The following KIF26B variants were observed in gnomAD, a reference collection of about 807,000 sequenced individuals.
KIF26B encodes kinesin-like protein KIF26B.
Under a neutral mutation model 151.2 loss-of-function variants are expected in KIF26B, and 63 were observed. That is an observed-to-expected ratio of 0.42 (90% CI 0.34 to 0.51). The LOEUF is 0.51. KIF26B is among the 20% of genes least tolerant of loss of function. The probability of loss-of-function intolerance (pLI) is 0.07; values close to 1 mark genes in which losing one functional copy is unlikely to be tolerated. For synonymous variants in KIF26B, 1,357 were observed against 1,262.1 expected (o/e 1.08, Z -1.59); for missense variants, 2,813 against 2,913.6 (o/e 0.97, Z 0.79).
At position 245,385,742 on chromosome 1, in the gene KIF26B, G is replaced by A. The variant is rs376383859; in HGVS notation, c.999+18375G>A. On this transcript the variant is annotated intron_variant, in intron 3 of 14. Transcript: ENST00000407071. ...TGGTAGTTAGGCGACGTGAAGCCAC[G>A]TGTACTCAGGCAGGTAGTGGGGAAG... Among the ~76,000 whole-genome samples, 9 of 152,344 alleles carry A rather than the reference G, an allele frequency of 5.9e-5. No individual in the cohort carries two copies. The South Asian group carries it at 6.2e-4, about 11-fold the overall frequency.
chr1:245,285,471 A>G (rs544440409), intron 2 of KIF26B, among the ~76,000 whole-genome samples: 1 of 152,242 alleles, frequency 6.6e-6, no homozygotes, highest in Admixed American at 6.5e-5. Context: ...TGCCACAGGG[A>G]AATTGCTTTC....
At chr1:245,335,605 CGGGGAAAGGAGAGTCCCACGA>C (rs1363252288) in intron 2 of KIF26B, among the ~76,000 whole-genome samples, 19 of 145,494 alleles carry the variant, frequency 1.3e-4, no homozygotes, top group East Asian at 6.2e-4. Context: ...GAGTGCCACG[CGGGGAAAGGAGAGTCCCACGA>C]GGGGAAAGGA....
chr1:245,683,166 C>T (rs1002443169), intron 10 of KIF26B, among the ~76,000 whole-genome samples: 2 of 152,166 alleles, frequency 1.3e-5, no homozygotes, highest in Admixed American at 1.3e-4. Context: ...CCTGAGTCTC[C>T]CATAGTGTCT....
intron 5 of KIF26B, among the ~76,000 whole-genome samples, chr1:245,584,711 G>A (rs1194392492): frequency 1.3e-5 from 2 of 152,180 alleles, no homozygotes; most frequent in African/African-American, 4.8e-5. Flanking sequence ...ATGCTTCTAC[G>A]ATAGTAATAA....
At chr1:245,472,438 TG>T (rs957548129) in intron 4 of KIF26B, among the ~76,000 whole-genome samples, 4 of 152,144 alleles carry the variant, frequency 2.6e-5, no homozygotes, top group Admixed American at 2.0e-4. Context: ...TTTTGAATTT[TG>T]GGGGGTTTGG....
At chr1:245,413,025 C>T (rs1466871908) in intron 3 of KIF26B, among the ~76,000 whole-genome samples, 3 of 152,148 alleles carry the variant, frequency 2.0e-5, no homozygotes, top group East Asian at 1.9e-4. Context: ...AACAGATATC[C>T]TTAAGGAGTG....
intron 10 of KIF26B, among the ~76,000 whole-genome samples, chr1:245,652,082 G>A (rs891088163): frequency 2.0e-5 from 3 of 149,088 alleles, no homozygotes; most frequent in African/African-American, 4.9e-5. Context: ...AGCATGAAAC[G>A]GAGAGGTTCA....
intron 3 of KIF26B, among the ~76,000 whole-genome samples, chr1:245,405,210 A>G (rs1674105276): frequency 6.6e-6 from 1 of 152,184 alleles, no homozygotes. Flanking sequence ...AATTCTGGAC[A>G]TGTAGGAATG....
intron 2 of KIF26B, among the ~76,000 whole-genome samples, chr1:245,254,113 G>A (rs1277370136): frequency 6.6e-6 from 1 of 152,072 alleles, no homozygotes; most frequent in Admixed American, 6.6e-5. Flanking sequence ...CCCAGCTGAA[G>A]TGCTGTTTTT....
chr1:245,349,163 A>G (rs1194345981), intron 2 of KIF26B, among the ~76,000 whole-genome samples: 1 of 152,234 alleles, frequency 6.6e-6, no homozygotes, highest in Non-Finnish European at 1.5e-5. Context: ...GAATGAATCA[A>G]TGAAGTTGCC....
intron 2 of KIF26B, among the ~76,000 whole-genome samples, chr1:245,278,850 T>G (rs1420708881): frequency 6.6e-6 from 1 of 152,174 alleles, no homozygotes; most frequent in African/African-American, 2.4e-5. Flanking sequence ...GCCTATGAAA[T>G]GGAGACTCAC....
chr1:245,699,000 GT>G lies in KIF26B; in HGVS notation c.6142del (p.Tyr2048IlefsTer2). The G allele has an allele frequency of 6.2e-7, 1 of 1,614,030 alleles. No homozygotes were observed. The highest frequency in any genetic ancestry group is 8.5e-7 in the Non-Finnish European group (1 of 1,179,886). ...TGAAGGAGCTGGAGGCGACCAAACA[GT>G]ATCTGATGCTGGATCCCAACAAGTG... ...LMKELEATKQ[Y>X]LMLDPNKWLS... On this transcript the variant is annotated frameshift_variant, in exon 14 of 15. Transcript: ENST00000407071. LOFTEE classifies it high-confidence loss of function. The surrounding 1 kb of genome is among the most constrained non-coding windows in gnomAD (Gnocchi z 4.0).
intron 4 of KIF26B, among the ~76,000 whole-genome samples, chr1:245,443,668 A>T (rs1463113388): frequency 1.2e-5 from 1 of 82,120 alleles, no homozygotes; most frequent in African/African-American, 4.1e-5. Context: ...CCTAGAGGAG[A>T]GGTCATCTCC....
chr1:245,498,893 T>C (rs533785328), intron 4 of KIF26B, among the ~76,000 whole-genome samples: 4 of 152,148 alleles, frequency 2.6e-5, no homozygotes, highest in Non-Finnish European at 5.9e-5. Context: ...TTGCATCAGA[T>C]AGTAAATGCA....
At chr1:245,628,347 G>A (rs1001919851) in intron 9 of KIF26B, among the ~76,000 whole-genome samples, 1 of 152,204 alleles carries the variant, frequency 6.6e-6, no homozygotes, top group African/African-American at 2.4e-5. Context: ...TGGGCATGGT[G>A]GCGGGTGCCT....
At chr1:245,521,904 C>T (rs1181354270) in intron 4 of KIF26B, among the ~76,000 whole-genome samples, 1 of 146,090 alleles carries the variant, frequency 6.8e-6, no homozygotes, top group Non-Finnish European at 1.6e-5. Flanking sequence ...CTTGCTCTGT[C>T]ACCCAGGCTG....
intron 2 of KIF26B, among the ~76,000 whole-genome samples, chr1:245,190,905 C>T (rs564857514): frequency 6.0e-5 from 9 of 150,390 alleles, no homozygotes; most frequent in African/African-American, 2.2e-4. Flanking sequence ...ACTAAAAATA[C>T]AAAAATTAGC....
chr1:245,484,767 A>ATTATTATTATTAT (rs1476972186), intron 4 of KIF26B, among the ~76,000 whole-genome samples: 2 of 134,232 alleles, frequency 1.5e-5, no homozygotes, highest in Admixed American at 7.5e-5. Context: ...CTTCTTCTTC[A>ATTATTATTATTAT]TATTATTATT....
intron 2 of KIF26B, among the ~76,000 whole-genome samples, chr1:245,199,760 A>G (rs1051450975): frequency 2.0e-5 from 3 of 152,202 alleles, no homozygotes; most frequent in African/African-American, 7.2e-5. Flanking sequence ...CTGGGATTAC[A>G]GGAGTGAGCC....
Sources: allele counts gnomAD v4.1 joint callset (sites outside exome capture counted in the v4.1 genomes callset), GRCh38; gene constraint gnomAD v4.1.1; non-coding constraint Gnocchi (gnomAD v3.1); transcripts MANE v1.5; gene names NCBI Gene and HGNC (gene_info 2026-07-23, HGNC 2026-07-21).